The following SWAP70 variants were observed in gnomAD, a reference collection of about 807,000 sequenced individuals.
SWAP70 encodes the protein switching B cell complex subunit SWAP70.
In SWAP70, 34 loss-of-function variants were observed where a neutral mutation model predicts 80.2. The ratio of observed to expected loss-of-function variants is 0.42; its 90% CI spans 0.32 to 0.56. SWAP70 has a LOEUF of 0.56. SWAP70 is among the 20% of genes least tolerant of loss of function. The pLI is 0.09. For synonymous variants in SWAP70, 239 were observed against 238.5 expected (o/e 1.00, Z -0.02); for missense variants, 578 against 690.7 (o/e 0.84, Z 1.83).
intron 2 of SWAP70, among the ~76,000 whole-genome samples, chr11:9,703,744 G>T (rs1850863489): frequency 1.3e-5 from 2 of 152,138 alleles, no homozygotes; most frequent in South Asian, 4.1e-4. Context: ...CTGGTACCTG[G>T]TAAACACTCA....
At position 9,748,006 on chromosome 11, in the gene SWAP70, C is replaced by A; in HGVS notation, c.1504C>A (p.Gln502Lys). 1 of 1,614,144 alleles carries A rather than the reference C, an allele frequency of 6.2e-7. No homozygotes were observed. The highest frequency in any genetic ancestry group is 8.5e-7 in the Non-Finnish European group (1 of 1,179,992). ...KEQALQEAME[Q>K]LEQLELERKQ... ...ACAGGCCCTGCAGGAGGCCATGGAG[C>A]AGCTGGAGCAGCTTGAGTTAGAACG... The change falls in exon 10 of 12, where the codon CAG (glutamine) becomes AAG (lysine). Residue 502 changes from glutamine (Q) to lysine (K), a missense_variant. Gln to Lys is a moderately conservative substitution (Grantham distance 53). Transcript: ENST00000318950.
chr11:9,689,572 C>G (rs1220524376), intron 1 of SWAP70, among the ~76,000 whole-genome samples: 1 of 152,208 alleles, frequency 6.6e-6, no homozygotes, highest in African/African-American at 2.4e-5. Flanking sequence ...GGGATAAATT[C>G]AGCTTTTTCA....
At chr11:9,744,769 G>C (rs193095106) in intron 9 of SWAP70, among the ~76,000 whole-genome samples, 11 of 152,136 alleles carry the variant, frequency 7.2e-5, no homozygotes, top group African/African-American at 2.7e-4. Flanking sequence ...TTAGCTGGGC[G>C]TGGTGGTGCA....
chr11:9,700,882 T>C (rs1850822083), intron 2 of SWAP70, among the ~76,000 whole-genome samples: 1 of 152,140 alleles, frequency 6.6e-6, no homozygotes, highest in African/African-American at 2.4e-5. Context: ...GGTGATTCTC[T>C]TGTCTTAATT....
intron 1 of SWAP70, among the ~76,000 whole-genome samples, chr11:9,683,516 C>A (rs1850594005): frequency 6.6e-6 from 1 of 152,134 alleles, no homozygotes; most frequent in Non-Finnish European, 1.5e-5. Flanking sequence ...AACTGCCAGA[C>A]CTTTGGGAGA....
intron 1 of SWAP70, among the ~76,000 whole-genome samples, chr11:9,673,547 G>T (rs1264410648): frequency 6.6e-6 from 1 of 152,178 alleles, no homozygotes; most frequent in Non-Finnish European, 1.5e-5. Context: ...CAACCATGTA[G>T]AAATGTGATT....
chr11:9,742,484 G>A (rs57843161), intron 9 of SWAP70, among the ~76,000 whole-genome samples: 15,031 of 151,582 alleles, frequency 0.099, 1,895 homozygotes, highest in East Asian at 0.28. Context: ...GTACAGGCGC[G>A]CACCACCACA....
intron 1 of SWAP70, among the ~76,000 whole-genome samples, chr11:9,689,148 T>G (rs921415423): frequency 6.6e-6 from 1 of 152,184 alleles, no homozygotes; most frequent in African/African-American, 2.4e-5. Context: ...AGGGAAACAG[T>G]GTGTTACTGG....
Position 9,747,932 on chromosome 11 carries a change from C to T in SWAP70, c.1430C>T (p.Thr477Ile), listed in dbSNP as rs202018948. 2.5e-6 allele frequency: 4 copies of T among 1,614,166 alleles called. No homozygotes were observed. The East Asian group carries it at 8.9e-5, about 36-fold the overall frequency. The change falls in exon 10 of 12, where the codon ACA becomes ATA. Residue 477 changes from threonine (T) to isoleucine (I), a missense_variant. Coordinates refer to ENST00000318950, the MANE Select transcript of SWAP70 (RefSeq NM_015055.4). ...WHLEQQQAIQ[T>I]TEAEKQELEN... Reference sequence around the variant, plus strand: ...TTGGAGCAGCAGCAGGCCATTCAGACAACCGAGGCGGAGAAGCAGGAGTTG... The same window carrying T: ...TTGGAGCAGCAGCAGGCCATTCAGATAACCGAGGCGGAGAAGCAGGAGTTG...
chr11:9,720,098 G>A, intron 3 of SWAP70: 1 of 985,300 alleles, frequency 1.0e-6, no homozygotes, highest in Non-Finnish European at 1.2e-6. Context: ...GACTAAAACG[G>A]CAACACATGA....
chr11:9,694,194 G>A lies in SWAP70; in HGVS notation c.148G>A (p.Val50Ile). The change falls in exon 2 of 12, where the codon GTT becomes ATT. Residue 50 changes from valine (V) to isoleucine (I), a missense_variant. Transcript: ENST00000318950. Reference sequence around the variant, plus strand: ...GGTGCTGAAGGTTCCTCATGACCCAGTTGCCCTTGAAGAGCACTTCAGGGA... The same window carrying A: ...GGTGCTGAAGGTTCCTCATGACCCAATTGCCCTTGAAGAGCACTTCAGGGA... Reference protein sequence around the residue: ...CTVLKVPHDPVALEEHFRDDD... With the variant: ...CTVLKVPHDPIALEEHFRDDD... The A allele has an allele frequency of 6.2e-7, 1 of 1,613,110 alleles. No individual in the cohort carries two copies. Among genetic ancestry groups the A allele is most frequent in the Non-Finnish European group, 8.5e-7 (1 of 1,179,630 alleles).
intron 1 of SWAP70, among the ~76,000 whole-genome samples, chr11:9,667,232 C>CTGTGTGTG (rs139870073): frequency 6.8e-6 from 1 of 146,578 alleles, no homozygotes; most frequent in African/African-American, 2.5e-5. Context: ...TTTCACACTT[C>CTGTGTGTG]TGTGTGTGTG....
chr11:9,707,042 C>T (rs1282887860), intron 2 of SWAP70, among the ~76,000 whole-genome samples: 7 of 151,778 alleles, frequency 4.6e-5, no homozygotes, highest in Admixed American at 1.3e-4. Flanking sequence ...TATGAAATTC[C>T]GGAAACCCAA....
intron 1 of SWAP70, among the ~76,000 whole-genome samples, chr11:9,685,762 T>C (rs1002022975): frequency 3.3e-5 from 5 of 152,096 alleles, no homozygotes; most frequent in African/African-American, 1.2e-4. Flanking sequence ...GCTTCCCGAG[T>C]AGCTGGGACT....
intron 2 of SWAP70, among the ~76,000 whole-genome samples, chr11:9,694,843 C>T (rs974588051): frequency 1.3e-5 from 2 of 152,134 alleles, no homozygotes; most frequent in African/African-American, 4.8e-5. Flanking sequence ...AACAGGAACG[C>T]TTTTACACTG....
chr11:9,747,730 C>A (rs955222608), intron 9 of SWAP70, 128 bp from the exon 10 acceptor site: 11 of 875,024 alleles, frequency 1.3e-5, no homozygotes, highest in Non-Finnish European at 2.1e-5. Flanking sequence ...TCCTGCTTTC[C>A]TCCTGGTGGA....
At chr11:9,722,690 G>A (rs575534896) in intron 3 of SWAP70, among the ~76,000 whole-genome samples, 1 of 152,312 alleles carries the variant, frequency 6.6e-6, no homozygotes, top group East Asian at 1.9e-4. Context: ...ATTCTAGACA[G>A]AGAAGACAGA....
chr11:9,710,993 T>A (rs1430981194), intron 2 of SWAP70, among the ~76,000 whole-genome samples: 1 of 144,152 alleles, frequency 6.9e-6, no homozygotes, highest in African/African-American at 2.7e-5. Context: ...GCCTGTTTTT[T>A]ATTTTTATTT....
chr11:9,725,569 A>ATATATATTT (rs1554892086), intron 4 of SWAP70, among the ~76,000 whole-genome samples: 1 of 26,614 alleles, frequency 3.8e-5, no homozygotes, highest in Non-Finnish European at 6.5e-5. Context: ...ATATATATAT[A>ATATATATTT]TTTTTTTTTT....
Sources: gnomAD v4.1 joint callset for allele counts (sites outside exome capture counted in the v4.1 genomes callset) on GRCh38, gnomAD v4.1.1 for gene constraint, MANE v1.5 for transcripts, NCBI Gene and HGNC (gene_info 2026-07-23, HGNC 2026-07-21) for gene names.